CSNK2A2IP: variants seen among roughly 807,000 people sequenced by gnomAD.
The protein encoded by CSNK2A2IP is casein kinase 2 subunit alpha' interacting protein.
chr3:88,372,985 GA>G, the CSNK2A2IP span, among the ~76,000 whole-genome samples: 3 of 151,314 alleles, frequency 2.0e-5, no homozygotes, highest in Non-Finnish European at 3.0e-5. Flanking sequence ...AATACTTGAA[GA>G]AAAACTTGGA....
chr3:88,419,918 T>A, the CSNK2A2IP span, among the ~76,000 whole-genome samples: 4 of 152,112 alleles, frequency 2.6e-5, no homozygotes, highest in Non-Finnish European at 4.4e-5. Flanking sequence ...TATTCTTAGA[T>A]CCAGAAGGCT....
the CSNK2A2IP span, among the ~76,000 whole-genome samples, chr3:88,383,820 C>T: frequency 0.031 from 4,653 of 151,956 alleles, 206 homozygotes; most frequent in African/African-American, 0.1. Flanking sequence ...CCCGCCACCA[C>T]GCCCCGCTAA....
At chr3:88,341,916 T>A in the CSNK2A2IP span, among the ~76,000 whole-genome samples, 4 of 151,988 alleles carry the variant, frequency 2.6e-5, no homozygotes, top group East Asian at 7.7e-4. Context: ...TTACTTAGTG[T>A]TTTGTCTCTT....
chr3:88,369,500 T>C, the CSNK2A2IP span, among the ~76,000 whole-genome samples: 1 of 151,946 alleles, frequency 6.6e-6, no homozygotes, highest in East Asian at 1.9e-4. Flanking sequence ...AAGTGTAACA[T>C]TGTGGCTTGT....
the CSNK2A2IP span, among the ~76,000 whole-genome samples, chr3:88,393,295 T>G: frequency 2.6e-5 from 4 of 152,228 alleles, no homozygotes; most frequent in African/African-American, 4.8e-5. Context: ...TGTCAACTTG[T>G]GTAATAGTTA....
chr3:88,381,211 C>CAA, the CSNK2A2IP span, among the ~76,000 whole-genome samples: 1 of 152,146 alleles, frequency 6.6e-6, no homozygotes, highest in Non-Finnish European at 1.5e-5. Flanking sequence ...TGTTCCTAGC[C>CAA]AAAAAATGTG....
At chr3:88,405,971 A>T in the CSNK2A2IP span, among the ~76,000 whole-genome samples, 1 of 151,200 alleles carries the variant, frequency 6.6e-6, no homozygotes, top group Non-Finnish European at 1.5e-5. Context: ...AGTTTTTTTC[A>T]TCTAAAAAAA....
chr3:88,396,175 G>C, the CSNK2A2IP span, among the ~76,000 whole-genome samples: 4 of 149,222 alleles, frequency 2.7e-5, no homozygotes, highest in Non-Finnish European at 1.5e-5. Flanking sequence ...CGCAATCTCG[G>C]CTCACTGCAG....
chr3:88,387,237 T>C, the CSNK2A2IP span, among the ~76,000 whole-genome samples: 5 of 151,700 alleles, frequency 3.3e-5, no homozygotes, highest in South Asian at 8.4e-4. Context: ...TCTTGGCTCA[T>C]TGCAGCCTCC....
the CSNK2A2IP span, among the ~76,000 whole-genome samples, chr3:88,453,661 G>C: frequency 6.6e-6 from 1 of 152,026 alleles, no homozygotes; most frequent in Admixed American, 6.6e-5. Context: ...GTACTGTTCA[G>C]AAAGTCTTAC....
chr3:88,418,463 T>TGTGTGTGCGCGCGCGCGC, the CSNK2A2IP span, among the ~76,000 whole-genome samples: 4 of 149,536 alleles, frequency 2.7e-5, no homozygotes, highest in African/African-American at 7.4e-5. Flanking sequence ...TGTGTGTGTG[T>TGTGTGTGCGCGCGCGCGC]GCGCGCGGGC....
chr3:88,406,306 T>G, the CSNK2A2IP span, among the ~76,000 whole-genome samples: 23,411 of 152,162 alleles, frequency 0.15, 2,209 homozygotes, highest in East Asian at 0.22. Context: ...ACTTTCTTAA[T>G]GCATAATGGT....
chr3:88,394,168 T>G, the CSNK2A2IP span, among the ~76,000 whole-genome samples: 1 of 152,198 alleles, frequency 6.6e-6, no homozygotes, highest in East Asian at 1.9e-4. Context: ...CTTATTTATC[T>G]GGGATATTGG....
At chr3:88,441,420 T>C in the CSNK2A2IP span, among the ~76,000 whole-genome samples, 1 of 152,126 alleles carries the variant, frequency 6.6e-6, no homozygotes, top group Non-Finnish European at 1.5e-5. Flanking sequence ...CTACATTAAC[T>C]GATTTTGAGG....
At chr3:88,412,484 T>C in the CSNK2A2IP span, among the ~76,000 whole-genome samples, 2 of 152,078 alleles carry the variant, frequency 1.3e-5, no homozygotes, top group Non-Finnish European at 2.9e-5. Flanking sequence ...TCTTCATTCC[T>C]GTTTTGTAAT....
At chr3:88,378,541 T>C in the CSNK2A2IP span, among the ~76,000 whole-genome samples, 1 of 151,980 alleles carries the variant, frequency 6.6e-6, no homozygotes, top group Non-Finnish European at 1.5e-5. Flanking sequence ...GACTAAAGAA[T>C]TAAACTTTTA....
chr3:88,429,601 A>G, the CSNK2A2IP span, among the ~76,000 whole-genome samples: 2 of 152,056 alleles, frequency 1.3e-5, no homozygotes, highest in African/African-American at 2.4e-5. Flanking sequence ...TGTTCTCTAT[A>G]CCTTTCATTA....
the CSNK2A2IP span, among the ~76,000 whole-genome samples, chr3:88,444,777 G>C: frequency 6.6e-6 from 1 of 152,172 alleles, no homozygotes; most frequent in Non-Finnish European, 1.5e-5. Flanking sequence ...TCCATTGGAG[G>C]CTACGTTCTT....
chr3:88,445,289 A>AAAAAAAAAAAAAAAAAAAAAAT, the CSNK2A2IP span, among the ~76,000 whole-genome samples: 1 of 146,308 alleles, frequency 6.8e-6, no homozygotes, highest in Non-Finnish European at 1.5e-5. Flanking sequence ...AAAAAAAAAA[A>AAAAAAAAAAAAAAAAAAAAAAT]AAAAAAAAAA....
Sources: allele counts gnomAD v4.1 joint callset (sites outside exome capture counted in the v4.1 genomes callset), GRCh38; gene constraint gnomAD v4.1.1; transcripts MANE v1.5; gene names NCBI Gene and HGNC (gene_info 2026-07-23, HGNC 2026-07-21).